RBFOX1: variants seen among roughly 807,000 people sequenced by gnomAD.
RBFOX1 encodes RNA binding protein fox-1 homolog 1.
Under a neutral mutation model 57.7 loss-of-function variants are expected in RBFOX1, and 8 were observed. That is an observed-to-expected ratio of 0.14 (90% CI 0.08 to 0.25). The LOEUF is 0.25. RBFOX1 is among the 10% of genes least tolerant of loss of function. RBFOX1 has a pLI of 1.00. For missense variants in RBFOX1, 611 were observed against 548.5 expected (o/e 1.11, Z -1.14); for synonymous variants, 326 against 222.4 (o/e 1.47, Z -4.15).
chr16:5,701,732 C>A (rs938197582), intron 3 of RBFOX1, among the ~76,000 whole-genome samples: 1 of 152,168 alleles, frequency 6.6e-6, no homozygotes, highest in East Asian at 1.9e-4. Context: ...CCACATCTGG[C>A]CAAGGTGGAG....
intron 1 of RBFOX1, among the ~76,000 whole-genome samples, chr16:5,369,296 C>G (rs1481381684): frequency 6.6e-6 from 1 of 152,226 alleles, no homozygotes; most frequent in African/African-American, 2.4e-5. Flanking sequence ...GCCACCGTGC[C>G]TGGCCCATAG....
At chr16:7,384,381 T>C (rs2097843349) in intron 4 of RBFOX1, among the ~76,000 whole-genome samples, 1 of 152,178 alleles carries the variant, frequency 6.6e-6, no homozygotes, top group Middle Eastern at 3.2e-3. Flanking sequence ...CAGGCACCTT[T>C]ATATTTATAC....
chr16:6,088,570 CTG>C, intron 1 of RBFOX1, among the ~76,000 whole-genome samples: 1 of 148,442 alleles, frequency 6.7e-6, no homozygotes, highest in East Asian at 2.0e-4. Flanking sequence ...AATACCAACT[CTG>C]TGTTAGGCAG....
chr16:6,723,356 G>A lies in RBFOX1; in HGVS notation c.-16+68706G>A, dbSNP rs372778999. The stretch of plus-strand genomic sequence containing the variant: ...CCGAGCATAGGCAGGTTATAACATT[G>A]AGTATAGCATGCAACTGTGGATTAA... On this transcript the variant is annotated intron_variant, in intron 3 of 15. Coordinates refer to ENST00000550418, the MANE Select transcript of RBFOX1 (RefSeq NM_018723.4). Among the ~76,000 whole-genome samples, 9 of 151,690 alleles carry A rather than the reference G, an allele frequency of 5.9e-5. No homozygotes were observed. In the East Asian group the frequency reaches 1.4e-3, roughly 23 times the overall value.
At chr16:7,682,473 G>A (rs758958989) in intron 14 of RBFOX1, among the ~76,000 whole-genome samples, 10 of 133,806 alleles carry the variant, frequency 7.5e-5, no homozygotes, top group Non-Finnish European at 1.0e-4. Context: ...GAATCAATAC[G>A]TGGCAAATAA....
chr16:6,996,483 C>G (rs1246558162), intron 3 of RBFOX1, among the ~76,000 whole-genome samples: 1 of 152,142 alleles, frequency 6.6e-6, no homozygotes, highest in African/African-American at 2.4e-5. Flanking sequence ...ATCCTCCTAT[C>G]TGGACACGCA....
intron 1 of RBFOX1, among the ~76,000 whole-genome samples, chr16:5,306,940 G>C (rs186227913): frequency 2.6e-5 from 4 of 152,170 alleles, no homozygotes; most frequent in Non-Finnish European, 4.4e-5. Context: ...GCCAGTGGGG[G>C]TGAGGCTTAT....
chr16:7,320,300 C>A (rs975343761), intron 4 of RBFOX1, among the ~76,000 whole-genome samples: 6 of 152,118 alleles, frequency 3.9e-5, no homozygotes, highest in African/African-American at 1.4e-4. Flanking sequence ...CATTGTTCAG[C>A]TCCCACTTGT....
intron 1 of RBFOX1, among the ~76,000 whole-genome samples, chr16:6,135,464 C>G (rs75003076): frequency 6.4e-4 from 97 of 152,200 alleles, no homozygotes; most frequent in African/African-American, 2.2e-3. Context: ...AATTTTGCCA[C>G]TTGTCCTGAA....
chr16:7,406,642 C>T (rs546719782), intron 4 of RBFOX1, among the ~76,000 whole-genome samples: 27 of 152,330 alleles, frequency 1.8e-4, no homozygotes, highest in African/African-American at 3.6e-4. Context: ...AAAGTGACCA[C>T]GCACCCACAT....
In RBFOX1 at chr16:6,097,761, C is replaced by CTT. The variant is rs772349623; in HGVS notation, c.-127+77781_-127+77782dup. On this transcript the variant is annotated intron_variant, in intron 1 of 15. Coordinates refer to ENST00000550418, the MANE Select transcript of RBFOX1 (RefSeq NM_018723.4). The surrounding 1 kb of genome is among the most constrained non-coding windows in gnomAD (Gnocchi z 5.0). ...CTGTGTCTTTGGTCTGTGTTCTCTT[C>CTT]TTTTTTTTTTTTTCTTACCACCCTC... Among the ~76,000 whole-genome samples the CTT allele has an allele frequency of 7.0e-6, 1 of 143,064 alleles. No homozygotes were observed. The highest frequency in any genetic ancestry group is 1.5e-5 in the Non-Finnish European group (1 of 65,004). 93.9% of individuals were successfully genotyped at this position (143,064 alleles called of 152,430 possible).
chr16:7,411,589 G>C, intron 4 of RBFOX1, among the ~76,000 whole-genome samples: 1 of 152,188 alleles, frequency 6.6e-6, no homozygotes, highest in Non-Finnish European at 1.5e-5. Flanking sequence ...CAAAATATCT[G>C]ACTGTCAAGG....
Position 6,780,301 on chromosome 16 carries a change from A to T in RBFOX1, c.-16+125651A>T, listed in dbSNP as rs1286274682. 7.2e-3 allele frequency among the ~76,000 whole-genome samples: 334 copies of T among 46,574 alleles called. 38 individuals carry two copies. Among genetic ancestry groups the T allele is most frequent in the African/African-American group, 0.033 (319 of 9,792 alleles). 30.6% of individuals were successfully genotyped at this position (46,574 alleles called of 152,430 possible). ...TATATTTATACATATATATATTTATACATATATATATTTATTCATATTTAT... is the reference window on the plus strand; with the variant it reads ...TATATTTATACATATATATATTTATTCATATATATATTTATTCATATTTAT... On this transcript the variant is annotated intron_variant, in intron 3 of 15. Transcript: ENST00000550418.
intron 1 of RBFOX1, among the ~76,000 whole-genome samples, chr16:5,400,141 C>A (rs1356570330): frequency 6.6e-6 from 1 of 151,770 alleles, no homozygotes; most frequent in African/African-American, 2.4e-5. Context: ...GCTCTGTCAC[C>A]CAGGCTGGAG....
At chr16:5,586,780 A>C (rs1379213033) in intron 2 of RBFOX1, among the ~76,000 whole-genome samples, 1 of 152,208 alleles carries the variant, frequency 6.6e-6, no homozygotes, top group Non-Finnish European at 1.5e-5. Flanking sequence ...TACAAGTGTA[A>C]GCCACCATGG....
At chr16:6,632,535 A>G (rs2098398062) in intron 2 of RBFOX1, among the ~76,000 whole-genome samples, 1 of 152,134 alleles carries the variant, frequency 6.6e-6, no homozygotes, top group Admixed American at 6.5e-5. Flanking sequence ...TGAGGAGGAG[A>G]CAGAGGCTCC....
chr16:7,690,215 C>T (rs988768396), intron 14 of RBFOX1, among the ~76,000 whole-genome samples: 3 of 152,120 alleles, frequency 2.0e-5, no homozygotes, highest in Non-Finnish European at 4.4e-5. Flanking sequence ...GGAATGGGCC[C>T]TATCACTGGC....
rs192054611 is a variant in RBFOX1, at chr16:6,519,516, C to T, written c.-63-135087C>T. Among the ~76,000 whole-genome samples the T allele has an allele frequency of 5.6e-3, 854 of 152,136 alleles. 3 individuals carry two copies. The highest frequency in any genetic ancestry group is 1.0e-2 in the Non-Finnish European group (678 of 68,018). ...AAGAGTTGGAGACCAACCTGGCCAA[C>T]ATGACAAAACCCCGTCTGCACTAAA... On this transcript the variant is annotated intron_variant, in intron 2 of 15. Coordinates refer to ENST00000550418, the MANE Select transcript of RBFOX1 (RefSeq NM_018723.4).
intron 4 of RBFOX1, among the ~76,000 whole-genome samples, chr16:7,075,513 A>T (rs932669853): frequency 3.3e-5 from 5 of 152,232 alleles, no homozygotes; most frequent in African/African-American, 1.2e-4. Flanking sequence ...TTAAAACAAT[A>T]AGTATTAAAA....
Sources: allele counts gnomAD v4.1 joint callset (sites outside exome capture counted in the v4.1 genomes callset), GRCh38; gene constraint gnomAD v4.1.1; non-coding constraint Gnocchi (gnomAD v3.1); transcripts MANE v1.5; gene names NCBI Gene and HGNC (gene_info 2026-07-23, HGNC 2026-07-21).